Variants in VPS8 observed in about 807,000 individuals in gnomAD.
The protein encoded by VPS8 is VPS8 subunit of CORVET complex, also known as vacuolar protein sorting-associated protein 8 homolog.
In VPS8, 129 loss-of-function variants were observed where a neutral mutation model predicts 216.4. The observed-to-expected ratio is 0.60, with a 90% CI of 0.52 to 0.69. VPS8 has a LOEUF of 0.69. Among genes scored for constraint, VPS8 ranks in the 30% least tolerant of loss-of-function variants. The pLI, the probability that VPS8 is intolerant of heterozygous loss-of-function variation, is 0.00. For synonymous variants in VPS8, 571 were observed against 565.4 expected (o/e 1.01, Z -0.14); for missense variants, 1,531 against 1,683.5 (o/e 0.91, Z 1.59).
At chr3:184,878,271 C>T (rs555585573) in intron 21 of VPS8, among the ~76,000 whole-genome samples, 12 of 152,146 alleles carry the variant, frequency 7.9e-5, no homozygotes, top group African/African-American at 2.9e-4. Context: ...CCACCACACC[C>T]AGCTAATTTT....
intron 21 of VPS8, among the ~76,000 whole-genome samples, chr3:184,881,098 T>G (rs1730190963): frequency 1.3e-5 from 2 of 152,178 alleles, no homozygotes; most frequent in South Asian, 2.1e-4. Flanking sequence ...TTTGTAGCTT[T>G]CTTTTCATCC....
intron 46 of VPS8, among the ~76,000 whole-genome samples, chr3:185,043,770 T>TA (rs1201182043): frequency 6.6e-6 from 1 of 152,196 alleles, no homozygotes; most frequent in African/African-American, 2.4e-5. Flanking sequence ...GTTTTGAAAT[T>TA]AAAGCAGAAT....
intron 10 of VPS8, among the ~76,000 whole-genome samples, chr3:184,850,285 G>A (rs565703822): frequency 1.3e-5 from 2 of 152,256 alleles, no homozygotes; most frequent in Admixed American, 6.5e-5. Flanking sequence ...TTGATACAGC[G>A]GCAAAAAGGG....
At chr3:184,951,079 C>A (rs951497707) in intron 36 of VPS8, among the ~76,000 whole-genome samples, 5 of 152,156 alleles carry the variant, frequency 3.3e-5, no homozygotes, top group Admixed American at 2.6e-4. Flanking sequence ...CGGGTATATA[C>A]CCAGTAATGG....
Position 184,964,542 on chromosome 3 carries a change from C to A in VPS8, c.3258C>A (p.Phe1086Leu). 1.3e-6 allele frequency: 2 copies of A among 1,514,854 alleles called. No homozygotes were observed. The highest frequency in any genetic ancestry group is 1.8e-6 in the Non-Finnish European group (2 of 1,125,074). 93.8% of individuals were successfully genotyped at this position (1,514,854 alleles called of 1,614,324 possible). ...LEKKGDIHGA[F>L]LIMLERLQSK... ...AGAAAGGAGATATTCATGGTGCCTT[C>A]CTAATAATGTTAGAGGTAACACTTT... is the stretch of plus-strand genomic sequence containing the variant. The change falls in exon 38 of 48, where the codon TTC becomes TTA. Residue 1086 changes from phenylalanine (F) to leucine (L), a missense_variant. Around this residue, in one of 3 missense-constraint regions of VPS8, gnomAD observed 1,318 missense variants for 1,468.4 expected, o/e 0.90. Transcript: ENST00000625842.
At chr3:184,969,514 C>T (rs1748028842) in intron 39 of VPS8, among the ~76,000 whole-genome samples, 1 of 148,712 alleles carries the variant, frequency 6.7e-6, no homozygotes, top group Non-Finnish European at 1.5e-5. Flanking sequence ...ATTACAACCT[C>T]CGCCTCCCGG....
rs1334515692 is a variant in VPS8, at chr3:184,886,107, C to T, written c.1735-3C>T. 1 of 1,608,496 alleles carries T rather than the reference C, an allele frequency of 6.2e-7. No individual in the cohort carries two copies. Among genetic ancestry groups the T allele is most frequent in the Non-Finnish European group, 8.5e-7 (1 of 1,177,410 alleles). ...TGATGCTTTCTTTATGGTTCCTCTACAGGATATGGTGCCTGTCATAGTTGA... is the reference window on the plus strand; with the variant it reads ...TGATGCTTTCTTTATGGTTCCTCTATAGGATATGGTGCCTGTCATAGTTGA... On this transcript the variant is annotated splice_region_variant and splice_polypyrimidine_tract_variant and intron_variant, in intron 21 of 47. Transcript: ENST00000625842.
At chr3:185,027,629 A>C (rs557010399) in intron 46 of VPS8, among the ~76,000 whole-genome samples, 1 of 152,328 alleles carries the variant, frequency 6.6e-6, no homozygotes, top group South Asian at 2.1e-4. Context: ...GAGTGAGAGC[A>C]AATTTTGCCA....
intron 29 of VPS8, 141 bp from the exon 30 acceptor site, chr3:184,924,721 G>T: frequency 9.1e-7 from 1 of 1,101,322 alleles, no homozygotes; most frequent in Non-Finnish European, 1.3e-6. Context: ...AAATGGCGTT[G>T]AATTCAATTG....
chr3:184,996,207 T>C, intron 43 of VPS8, 125 bp from the exon 44 acceptor site: 1 of 1,150,514 alleles, frequency 8.7e-7, no homozygotes, highest in South Asian at 1.8e-5. Context: ...TATCCCTTTA[T>C]AGTGTGTTTC....
chr3:184,969,152 C>CTGT, intron 39 of VPS8, among the ~76,000 whole-genome samples: 1 of 152,250 alleles, frequency 6.6e-6, no homozygotes, highest in Non-Finnish European at 1.5e-5. Context: ...GCGTCTCGCT[C>CTGT]TGTTGCCCAG....
chr3:184,999,636 G>A (rs1753125863), intron 44 of VPS8, 60 bp from the exon 45 acceptor site: 1 of 1,522,798 alleles, frequency 6.6e-7, no homozygotes, highest in Non-Finnish European at 8.8e-7. Flanking sequence ...ACACTTACAA[G>A]CTTATATTTA....
chr3:184,927,598 T>C (rs994919923), intron 31 of VPS8, among the ~76,000 whole-genome samples: 9 of 152,194 alleles, frequency 5.9e-5, no homozygotes, highest in Non-Finnish European at 1.3e-4. Context: ...ACGTAACACA[T>C]AATTTACCAT....
At chr3:184,879,199 A>G (rs140754078) in intron 21 of VPS8, among the ~76,000 whole-genome samples, 221 of 152,296 alleles carry the variant, frequency 1.5e-3, no homozygotes, top group Non-Finnish European at 2.8e-3. Flanking sequence ...GACAGGCTCA[A>G]ATTTAGGTTA....
intron 29 of VPS8, among the ~76,000 whole-genome samples, chr3:184,923,170 T>C (rs1738952551): frequency 1.7e-5 from 1 of 57,196 alleles, no homozygotes. Context: ...GGAGGGAACT[T>C]GGAACTTTTT....
chr3:184,839,591 G>T, intron 6 of VPS8, 107 bp from the exon 7 acceptor site: 2 of 1,025,020 alleles, frequency 2.0e-6, no homozygotes, highest in South Asian at 1.6e-5. Flanking sequence ...ACAATAGTTT[G>T]TATGTCATCT....
chr3:184,945,722 A>C (rs758570646), intron 36 of VPS8, among the ~76,000 whole-genome samples: 7 of 152,184 alleles, frequency 4.6e-5, no homozygotes, highest in Non-Finnish European at 7.3e-5. Context: ...GGAAAAACCA[A>C]TTCACTGAGA....
intron 37 of VPS8, among the ~76,000 whole-genome samples, chr3:184,961,296 C>G (rs999821305): frequency 6.6e-6 from 1 of 152,186 alleles, no homozygotes; most frequent in African/African-American, 2.4e-5. Flanking sequence ...TCATGTATCG[C>G]TTTTCCTTTG....
At position 184,971,647 on chromosome 3, in the gene VPS8, A is replaced by G; in HGVS notation, c.3317-2A>G. 3.1e-6 allele frequency: 5 copies of G among 1,609,388 alleles called. No individual in the cohort carries two copies. The highest frequency in any genetic ancestry group is 1.1e-5 in the South Asian group (1 of 90,228). On this transcript the variant is annotated splice_acceptor_variant, in intron 39 of 47. Coordinates refer to ENST00000625842, the MANE Select transcript of VPS8 (RefSeq NM_001009921.3). LOFTEE classifies it high-confidence loss of function. The stretch of plus-strand genomic sequence containing the variant: ...TGATGTTTACACTTTTTCTAAATCT[A>G]GATACCAAAGAGGATCCCTCATTGA...
Sources: allele counts gnomAD v4.1 joint callset (sites outside exome capture counted in the v4.1 genomes callset), GRCh38; gene constraint gnomAD v4.1.1; regional missense constraint gnomAD v4.1.1; transcripts MANE v1.5; gene names NCBI Gene and HGNC (gene_info 2026-07-23, HGNC 2026-07-21).